ZFHX3: variants seen among roughly 807,000 people sequenced by gnomAD.
The protein encoded by ZFHX3 is zinc finger homeobox 3, also known as zinc finger homeobox protein 3.
ZFHX3 carries 42 observed loss-of-function variants against 279.1 expected under a neutral mutation model. That is an observed-to-expected ratio of 0.15 (90% confidence interval 0.12 to 0.19). The LOEUF (loss-of-function observed/expected upper bound fraction) is 0.19. Ranked by LOEUF, ZFHX3 falls within the 10% of genes least tolerant of loss-of-function variation. ZFHX3 has a pLI of 1.00. For synonymous variants in ZFHX3, 2,293 were observed against 1,957.8 expected (o/e 1.17, Z -4.52); for missense variants, 4,981 against 4,754.0 (o/e 1.05, Z -1.40).
chr16:72,955,564 A>C (rs1961212730), intron 2 of ZFHX3, among the ~76,000 whole-genome samples: 1 of 152,160 alleles, frequency 6.6e-6, no homozygotes, highest in Non-Finnish European at 1.5e-5. Flanking sequence ...AGATCACCTG[A>C]GGTCAAGGGT....
Position 72,786,397 on chromosome 16 carries a change from TTGTG to T in ZFHX3, c.*763_*766del, listed in dbSNP as rs1322158246. On this transcript the variant is annotated 3_prime_UTR_variant, in exon 10 of 10. Transcript: ENST00000268489. ...TTAAGCTACAAGTCCTCAACACTCT[TTGTG>T]TGTGTGGGTTATTATTTTTTTTTTT... The T allele has an allele frequency of 3.3e-5, 5 of 151,812 alleles. No homozygotes were observed. The South Asian group carries it at 1.0e-3, about 32-fold the overall frequency. The allele number at this position is 151,812 out of a possible 1,614,324, so 9.4% of individuals were successfully genotyped here.
chr16:73,456,471 G>C (rs185099663), intron 2 of ZFHX3, among the ~76,000 whole-genome samples: 5 of 152,098 alleles, frequency 3.3e-5, no homozygotes, highest in Non-Finnish European at 7.4e-5. Context: ...ATATCCACAG[G>C]AAAACATCCA....
intron 3 of ZFHX3, among the ~76,000 whole-genome samples, chr16:73,325,056 C>T (rs1466035715): frequency 2.0e-5 from 3 of 152,096 alleles, no homozygotes; most frequent in African/African-American, 7.2e-5. Context: ...TATGTTAGAG[C>T]TCATCTGACT....
intron 2 of ZFHX3, among the ~76,000 whole-genome samples, chr16:73,486,293 T>C (rs1188256132): frequency 2.0e-5 from 3 of 152,234 alleles, no homozygotes; most frequent in African/African-American, 7.2e-5. Flanking sequence ...AAGTAACCAG[T>C]GGAAACCTCT....
intron 3 of ZFHX3, among the ~76,000 whole-genome samples, chr16:72,925,979 A>T (rs1567587235): frequency 6.6e-6 from 1 of 152,318 alleles, no homozygotes; most frequent in East Asian, 1.9e-4. Context: ...TTAACTTATA[A>T]TTATTACAAT....
chr16:73,418,490 G>T (rs117923724), intron 3 of ZFHX3, among the ~76,000 whole-genome samples: 3,641 of 152,354 alleles, frequency 0.024, 74 homozygotes, highest in Middle Eastern at 0.058. Context: ...GTGTGTATAT[G>T]TTTCTGACAA....
chr16:72,932,535 A>T (rs11864960), intron 3 of ZFHX3, among the ~76,000 whole-genome samples: 6,174 of 151,536 alleles, frequency 0.041, 297 homozygotes, highest in African/African-American at 0.1. Flanking sequence ...TCCAAGCTCC[A>T]CCTCCTTCAG....
chr16:73,001,343 C>T (rs537111325), intron 1 of ZFHX3, among the ~76,000 whole-genome samples: 9 of 152,296 alleles, frequency 5.9e-5, no homozygotes, highest in South Asian at 4.2e-4. Flanking sequence ...GATGAGACCA[C>T]GGCCCCAGGT....
At chr16:73,057,205 G>T (rs962533649) in intron 1 of ZFHX3, among the ~76,000 whole-genome samples, 4 of 152,178 alleles carry the variant, frequency 2.6e-5, no homozygotes, top group Non-Finnish European at 5.9e-5. Context: ...CCTTTTGAAA[G>T]CGCTTGTAAT....
At chr16:73,422,494 T>C (rs1335937732) in intron 3 of ZFHX3, among the ~76,000 whole-genome samples, 1 of 152,172 alleles carries the variant, frequency 6.6e-6, no homozygotes, top group Non-Finnish European at 1.5e-5. Context: ...AATTATTGAT[T>C]TCATAGTTAA....
chr16:73,091,908 G>A (rs1380246683), intron 8 of ZFHX3, among the ~76,000 whole-genome samples: 3 of 152,106 alleles, frequency 2.0e-5, no homozygotes, highest in Non-Finnish European at 4.4e-5. Context: ...CAGTATTCAG[G>A]ATATTCAACA....
chr16:72,820,322 G>A (rs1194983631), intron 5 of ZFHX3, among the ~76,000 whole-genome samples: 1 of 152,190 alleles, frequency 6.6e-6, no homozygotes, highest in Non-Finnish European at 1.5e-5. Context: ...ATTCCTTGCT[G>A]AAGTATGCAT....
intron 4 of ZFHX3, among the ~76,000 whole-genome samples, chr16:72,883,842 C>G (rs1256639595): frequency 1.3e-5 from 2 of 152,122 alleles, no homozygotes; most frequent in African/African-American, 4.8e-5. Context: ...GTTAAAAATA[C>G]TTTAAGTTCC....
At chr16:73,867,526 G>A (rs952578934) in intron 1 of ZFHX3, among the ~76,000 whole-genome samples, 3 of 152,170 alleles carry the variant, frequency 2.0e-5, no homozygotes, top group South Asian at 2.1e-4. Flanking sequence ...GTTTCTCCCC[G>A]ATATTTTAGG....
At chr16:73,582,982 T>C (rs1033333303) in intron 2 of ZFHX3, among the ~76,000 whole-genome samples, 61 of 152,226 alleles carry the variant, frequency 4.0e-4, no homozygotes, top group Non-Finnish European at 1.2e-4. Flanking sequence ...ATTTGACTAA[T>C]CTAAACATAA....
chr16:73,344,792 A>G (rs2016094892), intron 3 of ZFHX3, among the ~76,000 whole-genome samples: 1 of 152,172 alleles, frequency 6.6e-6, no homozygotes, highest in South Asian at 2.1e-4. Context: ...ACAAAATGTA[A>G]ACTGCTGGGG....
chr16:73,717,618 A>T (rs777961791), intron 1 of ZFHX3, among the ~76,000 whole-genome samples: 48 of 152,194 alleles, frequency 3.2e-4, no homozygotes, highest in Admixed American at 1.8e-3. Context: ...CTCTTCAAGC[A>T]GGTTGCTAGG....
At chr16:73,518,351 G>T (rs1047154709) in intron 2 of ZFHX3, among the ~76,000 whole-genome samples, 1 of 152,210 alleles carries the variant, frequency 6.6e-6, no homozygotes, top group African/African-American at 2.4e-5. Flanking sequence ...ATACAACTAG[G>T]ATTTACTTCT....
At chr16:73,757,095 G>C (rs1270150115) in intron 1 of ZFHX3, among the ~76,000 whole-genome samples, 1 of 152,158 alleles carries the variant, frequency 6.6e-6, no homozygotes, top group Non-Finnish European at 1.5e-5. Context: ...CTGAAGAACA[G>C]CTGTGGGAAT....
Sources: allele counts gnomAD v4.1 joint callset (sites outside exome capture counted in the v4.1 genomes callset), GRCh38; gene constraint gnomAD v4.1.1; transcripts MANE v1.5; gene names NCBI Gene and HGNC (gene_info 2026-07-23, HGNC 2026-07-21).